The following ZFHX3 variants were observed in gnomAD, a reference collection of about 807,000 sequenced individuals.
ZFHX3 encodes the protein zinc finger homeobox 3, also known as zinc finger homeobox protein 3.
In ZFHX3, 42 loss-of-function variants were observed where a neutral mutation model predicts 279.1. The observed-to-expected ratio is 0.15, with a 90% CI of 0.12 to 0.19. The LOEUF (loss-of-function observed/expected upper bound fraction) is 0.19, where lower values mean the gene tolerates loss of function less well. ZFHX3 is among the 10% of genes least tolerant of loss of function. The pLI is 1.00. For missense variants in ZFHX3, 4,981 were observed against 4,754.0 expected (o/e 1.05, Z -1.40); for synonymous variants, 2,293 against 1,957.8 (o/e 1.17, Z -4.52).
chr16:73,060,958 T>C (rs2144743662), upstream of ZFHX3: 1 of 152,240 alleles, frequency 6.6e-6, no homozygotes, highest in Non-Finnish European at 1.5e-5. Context: ...CGGTTTAGGA[T>C]TTTGCAGGGT....
chr16:73,851,447 A>G (rs1473220380), intron 1 of ZFHX3, among the ~76,000 whole-genome samples: 1 of 152,194 alleles, frequency 6.6e-6, no homozygotes, highest in Non-Finnish European at 1.5e-5. Flanking sequence ...TTTACTCTGA[A>G]AATAGTAGCT....
At chr16:73,662,714 A>C (rs192162145) in intron 2 of ZFHX3, among the ~76,000 whole-genome samples, 1 of 152,318 alleles carries the variant, frequency 6.6e-6, no homozygotes, top group Admixed American at 6.5e-5. Flanking sequence ...GAAAGCGAAC[A>C]ATTTCATTTC....
intron 3 of ZFHX3, among the ~76,000 whole-genome samples, chr16:73,390,411 G>A (rs1396974369): frequency 2.0e-5 from 3 of 152,152 alleles, no homozygotes; most frequent in Non-Finnish European, 4.4e-5. Flanking sequence ...CACAGGCACA[G>A]GGTAGCCCCA....
At chr16:73,885,100 A>T (rs1260935266) in intron 1 of ZFHX3, among the ~76,000 whole-genome samples, 1 of 151,694 alleles carries the variant, frequency 6.6e-6, no homozygotes, top group East Asian at 1.9e-4. Context: ...TGCTGAAAGG[A>T]TTGAAAATCT....
chr16:73,579,442 C>T (rs770836721), intron 2 of ZFHX3, among the ~76,000 whole-genome samples: 8 of 151,876 alleles, frequency 5.3e-5, no homozygotes, highest in Non-Finnish European at 8.8e-5. Context: ...TTCAGGTTCA[C>T]AAATACGTAT....
chr16:73,609,257 G>A (rs181428511), intron 2 of ZFHX3: 5 of 152,164 alleles, frequency 3.3e-5, no homozygotes, highest in Admixed American at 6.5e-5. Flanking sequence ...TTTCTGCATC[G>A]TACAACCAAT....
intron 1 of ZFHX3, among the ~76,000 whole-genome samples, chr16:73,790,551 T>C (rs1392312333): frequency 1.3e-5 from 2 of 152,228 alleles, no homozygotes; most frequent in African/African-American, 4.8e-5. Context: ...AAGGGTATAA[T>C]CTGCAAAGTA....
intron 5 of ZFHX3, among the ~76,000 whole-genome samples, chr16:73,247,659 CTGTG>C (rs1337991289): frequency 7.0e-6 from 1 of 143,508 alleles, no homozygotes; most frequent in African/African-American, 2.6e-5. Context: ...TATAATGTGT[CTGTG>C]TGTCTATGTG....
intron 4 of ZFHX3, among the ~76,000 whole-genome samples, chr16:72,834,666 T>C (rs2037141642): frequency 6.6e-6 from 1 of 151,944 alleles, no homozygotes; most frequent in Admixed American, 6.6e-5. Flanking sequence ...ATGAACAACC[T>C]GGAAATTGGT....
At chr16:73,855,216 C>CTTTTTTT (rs1032892286) in intron 1 of ZFHX3, among the ~76,000 whole-genome samples, 12 of 111,488 alleles carry the variant, frequency 1.1e-4, no homozygotes, top group Admixed American at 2.0e-4. Context: ...AGGCGTTAGC[C>CTTTTTTT]TTTTTTTTTT....
chr16:73,413,510 A>G (rs1478006270), intron 3 of ZFHX3, among the ~76,000 whole-genome samples: 1 of 152,178 alleles, frequency 6.6e-6, no homozygotes, highest in Non-Finnish European at 1.5e-5. Flanking sequence ...AGATGTGGAA[A>G]CAGCACTTAG....
At chr16:73,208,645 T>C (rs961841605) in intron 5 of ZFHX3, among the ~76,000 whole-genome samples, 15 of 152,214 alleles carry the variant, frequency 9.9e-5, no homozygotes, top group African/African-American at 3.6e-4. Context: ...CAGGCAAATA[T>C]GCCTGTAAAA....
chr16:72,878,211 CAAA>C (rs926012241), intron 4 of ZFHX3, among the ~76,000 whole-genome samples: 9 of 151,798 alleles, frequency 5.9e-5, no homozygotes, highest in Non-Finnish European at 1.3e-4. Flanking sequence ...AACAAAAAAA[CAAA>C]AAAAACTCAC....
At chr16:72,923,743 G>A (rs1334916896) in intron 3 of ZFHX3, among the ~76,000 whole-genome samples, 1 of 152,058 alleles carries the variant, frequency 6.6e-6, no homozygotes, top group Non-Finnish European at 1.5e-5. Flanking sequence ...AGTAGATGAA[G>A]TAGATGAAGT....
chr16:73,141,119 T>C (rs1966846778), intron 6 of ZFHX3, among the ~76,000 whole-genome samples: 1 of 152,204 alleles, frequency 6.6e-6, no homozygotes. Flanking sequence ...TCTGATTCAA[T>C]ATAATACCAC....
chr16:73,731,519 C>A (rs189362769), intron 1 of ZFHX3, among the ~76,000 whole-genome samples: 9 of 151,742 alleles, frequency 5.9e-5, no homozygotes, highest in Non-Finnish European at 1.3e-4. Flanking sequence ...TAATCACCTG[C>A]AAAGTGTTAT....
intron 5 of ZFHX3, among the ~76,000 whole-genome samples, chr16:72,812,891 ATTTC>A (rs1212773387): frequency 6.6e-6 from 1 of 152,186 alleles, no homozygotes; most frequent in African/African-American, 2.4e-5. Flanking sequence ...GAAAGGAAAC[ATTTC>A]TTTATCTTCT....
intron 2 of ZFHX3, among the ~76,000 whole-genome samples, chr16:73,578,280 A>G (rs947544380): frequency 2.0e-5 from 3 of 152,176 alleles, no homozygotes; most frequent in African/African-American, 7.2e-5. Flanking sequence ...TACACATTTA[A>G]AAGACTTATG....
At chr16:73,817,112 T>C (rs1294968439) in intron 1 of ZFHX3, among the ~76,000 whole-genome samples, 1 of 152,142 alleles carries the variant, frequency 6.6e-6, no homozygotes, top group African/African-American at 2.4e-5. Context: ...AGGGCTTGCT[T>C]AGGGCTTCCA....
Sources: allele counts gnomAD v4.1 joint callset (sites outside exome capture counted in the v4.1 genomes callset), GRCh38; gene constraint gnomAD v4.1.1; transcripts MANE v1.5; gene names NCBI Gene and HGNC (gene_info 2026-07-23, HGNC 2026-07-21).